The following ATXN7 variants were observed in gnomAD, a reference collection of about 807,000 sequenced individuals.
The protein encoded by ATXN7 is ataxin-7.
ATXN7 carries 12 observed loss-of-function variants against 70.5 expected under a neutral mutation model. The ratio of observed to expected loss-of-function variants is 0.17; its 90% CI spans 0.11 to 0.28. The LOEUF (loss-of-function observed/expected upper bound fraction) is 0.28. Ranked by LOEUF, ATXN7 falls within the 10% of genes least tolerant of loss-of-function variation. The probability of loss-of-function intolerance (pLI) is 1.00; values close to 1 mark genes in which losing one functional copy is unlikely to be tolerated. For missense variants in ATXN7, 1,256 were observed against 1,131.7 expected (o/e 1.11, Z -1.58); for synonymous variants, 498 against 448.7 (o/e 1.11, Z -1.39).
At chr3:63,936,808 A>AT (rs935253519) in intron 4 of ATXN7, among the ~76,000 whole-genome samples, 1 of 151,956 alleles carries the variant, frequency 6.6e-6, no homozygotes, top group African/African-American at 2.4e-5. Context: ...ATACAGCTTG[A>AT]TTTTTCTTTA....
intron 1 of ATXN7, among the ~76,000 whole-genome samples, chr3:63,873,101 CTA>C (rs1039869379): frequency 4.3e-4 from 65 of 152,226 alleles, no homozygotes; most frequent in African/African-American, 1.5e-3. Context: ...GTATTCTACT[CTA>C]TAATATATCC....
At chr3:63,995,401 T>C (rs2075740942) in intron 11 of ATXN7, 104 bp from the exon 12 acceptor site, 2 of 1,280,690 alleles carry the variant, frequency 1.6e-6, no homozygotes, top group Non-Finnish European at 2.2e-6. Context: ...ATTGCTTTGA[T>C]GTGGATGGTT....
intron 11 of ATXN7, among the ~76,000 whole-genome samples, chr3:63,992,786 G>A (rs902013978): frequency 1.3e-5 from 2 of 152,166 alleles, no homozygotes; most frequent in Non-Finnish European, 2.9e-5. Flanking sequence ...AACAAGGGAC[G>A]TGTTGCTCAG....
Position 64,001,983 on chromosome 3 carries a change from C to A in ATXN7, c.*2516C>A, listed in dbSNP as rs1418847502. 3 of 151,020 alleles carry A rather than the reference C, an allele frequency of 2.0e-5. No individual in the cohort carries two copies. The highest frequency in any genetic ancestry group is 7.3e-5 in the African/African-American group (3 of 40,924). 9.4% of individuals were successfully genotyped at this position (151,020 alleles called of 1,614,324 possible). ...TTTCCAATAGAATTTCATGACAACT[C>A]CTGCAGTTTTCTTAACCTACAAAAA... On this transcript the variant is annotated 3_prime_UTR_variant, in exon 13 of 13. Coordinates refer to ENST00000674280, the MANE Select transcript of ATXN7 (RefSeq NM_001377405.1).
In ATXN7 at chr3:63,863,945, C is replaced by T. The variant is rs1702316430; in HGVS notation, c.-324C>T. ...GCCTGCTCCGACGCCTGAGCCGCGC[C>T]GCGCCGCGCCGCCGCCGCCGCCGCC... On this transcript the variant is annotated 5_prime_UTR_variant, in exon 1 of 13. Transcript: ENST00000674280. 7.2e-6 allele frequency: 1 copy of T among 138,468 alleles called. No homozygotes were observed. Among genetic ancestry groups the T allele is most frequent in the Non-Finnish European group, 1.3e-5 (1 of 78,582 alleles). The allele number at this position is 138,468 out of a possible 1,614,324, so 8.6% of individuals were successfully genotyped here. A position where few individuals can be genotyped will look rare whatever the true frequency, so the allele number is the denominator to read the frequency against.
intron 6 of ATXN7, among the ~76,000 whole-genome samples, chr3:63,981,126 G>T (rs539186865): frequency 9.2e-5 from 14 of 152,320 alleles, no homozygotes; most frequent in Middle Eastern, 3.4e-3. Context: ...TAATCTCAGG[G>T]TAGGGTCCAG....
rs1316527890 is a variant in ATXN7, at chr3:63,995,882, G to A, written c.2060G>A (p.Gly687Asp). 6.2e-7 allele frequency: 1 copy of A among 1,614,150 alleles called. No homozygotes were observed. Among genetic ancestry groups the A allele is most frequent in the South Asian group, 1.1e-5 (1 of 91,078 alleles). ...TCTTTGAGGCCCAAGGAGTCTTCTG[G>A]TAACAGCACTAACTGTCAAAATGCC... ...SKSLRPKESS[G>D]NSTNCQNASS... The change falls in exon 12 of 13, where the codon GGT becomes GAT. Residue 687 changes from glycine to aspartate, a missense_variant. Coordinates refer to ENST00000674280, the MANE Select transcript of ATXN7 (RefSeq NM_001377405.1).
intron 2 of ATXN7, among the ~76,000 whole-genome samples, chr3:63,910,705 C>G (rs34903471): frequency 2.0e-5 from 3 of 152,102 alleles, no homozygotes; most frequent in Non-Finnish European, 4.4e-5. Context: ...CCAATCATTT[C>G]TACTATTTTG....
At chr3:63,981,215 T>C (rs2075481558) in intron 6 of ATXN7, among the ~76,000 whole-genome samples, 1 of 152,158 alleles carries the variant, frequency 6.6e-6, no homozygotes, top group African/African-American at 2.4e-5. Flanking sequence ...GTCAGGCTAT[T>C]CCAGGTACAG....
chr3:63,883,779 T>A (rs1702991139), intron 1 of ATXN7, among the ~76,000 whole-genome samples: 1 of 152,120 alleles, frequency 6.6e-6, no homozygotes, highest in African/African-American at 2.4e-5. Context: ...GAAAATAGGA[T>A]ACCTTATTGC....
intron 1 of ATXN7, among the ~76,000 whole-genome samples, chr3:63,879,713 A>C (rs1702851311): frequency 6.6e-6 from 1 of 152,082 alleles, no homozygotes; most frequent in South Asian, 2.1e-4. Flanking sequence ...GCTAGTCTCG[A>C]ACTCCGGACC....
upstream of ATXN7, chr3:63,863,723 G>C: frequency 8.0e-7 from 1 of 1,248,474 alleles, no homozygotes; most frequent in Non-Finnish European, 1.0e-6. Flanking sequence ...CTCAGGGGAG[G>C]CCCAGCGGGC....
intron 4 of ATXN7, among the ~76,000 whole-genome samples, chr3:63,940,186 A>G: frequency 6.6e-6 from 1 of 152,074 alleles, no homozygotes; most frequent in Non-Finnish European, 1.5e-5. Flanking sequence ...AGAAGGCCCT[A>G]ATCTCACCTC....
intron 4 of ATXN7, among the ~76,000 whole-genome samples, chr3:63,913,676 G>A (rs1481445181): frequency 1.3e-5 from 2 of 152,194 alleles, no homozygotes; most frequent in Non-Finnish European, 2.9e-5. Context: ...GGTACAAGTT[G>A]GGGATGTTAG....
intron 8 of ATXN7, among the ~76,000 whole-genome samples, chr3:63,984,625 A>C (rs2075544432): frequency 6.6e-6 from 1 of 152,198 alleles, no homozygotes; most frequent in Non-Finnish European, 1.5e-5. Flanking sequence ...CAAACCCAAG[A>C]TGTTCTTTTT....
intron 1 of ATXN7, among the ~76,000 whole-genome samples, chr3:63,885,477 T>C (rs1703059593): frequency 6.6e-6 from 1 of 152,212 alleles, no homozygotes; most frequent in African/African-American, 2.4e-5. Context: ...AGGGAATCTT[T>C]GTACATTGGT....
chr3:63,971,228 G>A (rs1409747674), intron 5 of ATXN7, among the ~76,000 whole-genome samples: 2 of 152,160 alleles, frequency 1.3e-5, no homozygotes, highest in Admixed American at 1.3e-4. Flanking sequence ...GCATGCTCTG[G>A]AGTTGCCTCC....
chr3:63,934,227 C>T (rs1307710788), intron 4 of ATXN7, among the ~76,000 whole-genome samples: 2 of 152,188 alleles, frequency 1.3e-5, no homozygotes, highest in Admixed American at 6.5e-5. Context: ...CTTCCACCTC[C>T]CACAGCCTAC....
chr3:63,963,087 T>C (rs1254234950), intron 5 of ATXN7, among the ~76,000 whole-genome samples: 1 of 151,884 alleles, frequency 6.6e-6, no homozygotes, highest in Admixed American at 6.6e-5. Context: ...AGCTAATTTT[T>C]GTATTTTTTG....
Sources: allele counts gnomAD v4.1 joint callset (sites outside exome capture counted in the v4.1 genomes callset), GRCh38; gene constraint gnomAD v4.1.1; transcripts MANE v1.5; gene names NCBI Gene and HGNC (gene_info 2026-07-23, HGNC 2026-07-21).